RAP1GAP2: variants seen among roughly 807,000 people sequenced by gnomAD.
The protein encoded by RAP1GAP2 is rap1 GTPase-activating protein 2.
A neutral mutation model predicts 95.0 loss-of-function variants in RAP1GAP2; 27 were observed. The observed-to-expected ratio is 0.28, with a 90% confidence interval of 0.21 to 0.39. RAP1GAP2 has a LOEUF of 0.39. Among genes scored for constraint, RAP1GAP2 ranks in the 10% least tolerant of loss-of-function variants. RAP1GAP2 has a pLI of 1.00. For synonymous variants in RAP1GAP2, 373 were observed against 380.9 expected (o/e 0.98, Z 0.24); for missense variants, 771 against 970.0 (o/e 0.79, Z 2.72).
chr17:2,759,393 A>G (rs1448069599), intron 1 of RAP1GAP2, among the ~76,000 whole-genome samples: 2 of 151,992 alleles, frequency 1.3e-5, no homozygotes, highest in African/African-American at 4.8e-5. Context: ...TGATCCTTCC[A>G]CCTCAGCCCC....
chr17:2,853,816 C>T, intron 2 of RAP1GAP2: 1 of 601,668 alleles, frequency 1.7e-6, no homozygotes, highest in South Asian at 7.3e-5. Flanking sequence ...TGAAGGTCGC[C>T]GGGAGGGAGG....
intron 1 of RAP1GAP2, among the ~76,000 whole-genome samples, chr17:2,798,338 C>T (rs2069152412): frequency 6.6e-6 from 1 of 152,198 alleles, no homozygotes; most frequent in Non-Finnish European, 1.5e-5. Context: ...GCATGTCACA[C>T]AGGCTCAGTC....
chr17:2,935,164 GGATGTGAT>G (rs1567795790), intron 3 of RAP1GAP2, among the ~76,000 whole-genome samples: 1 of 152,172 alleles, frequency 6.6e-6, no homozygotes, highest in African/African-American at 2.4e-5. Flanking sequence ...GTGACAGAGT[GGATGTGAT>G]GATAGTGCTT....
intron 3 of RAP1GAP2, among the ~76,000 whole-genome samples, chr17:2,955,677 C>T (rs1004191986): frequency 2.0e-5 from 3 of 152,148 alleles, no homozygotes; most frequent in Non-Finnish European, 4.4e-5. Context: ...TTCCTTCGTG[C>T]GTCGTTTTTT....
chr17:2,868,918 A>G (rs1229655869), intron 2 of RAP1GAP2, among the ~76,000 whole-genome samples: 1 of 152,088 alleles, frequency 6.6e-6, no homozygotes, highest in Admixed American at 6.6e-5. Flanking sequence ...TACTTCTCCC[A>G]CTTCTGGAAG....
chr17:3,012,621 AAAAAAAAAAAC>A (rs1420722847), intron 17 of RAP1GAP2, among the ~76,000 whole-genome samples: 1 of 151,460 alleles, frequency 6.6e-6, no homozygotes, highest in Non-Finnish European at 1.5e-5. Context: ...AAAAAAAAAA[AAAAAAAAAAAC>A]AAACCTAAAG....
At chr17:2,850,725 G>A (rs2071807367) in intron 2 of RAP1GAP2, among the ~76,000 whole-genome samples, 1 of 138,142 alleles carries the variant, frequency 7.2e-6, no homozygotes, top group South Asian at 2.3e-4. Context: ...ACTCCAGCCT[G>A]AGGGATGGAG....
chr17:2,824,740 CAAAAAAAAAAAAAAA>C (rs940171590), intron 2 of RAP1GAP2, among the ~76,000 whole-genome samples: 2 of 56,652 alleles, frequency 3.5e-5, no homozygotes, highest in African/African-American at 5.7e-5. Context: ...AACTCTGTCT[CAAAAAAAAAAAAAAA>C]AAAAAAAAGA....
At chr17:2,972,368 G>A (rs1278905071) in intron 8 of RAP1GAP2, among the ~76,000 whole-genome samples, 1 of 152,020 alleles carries the variant, frequency 6.6e-6, no homozygotes, top group Admixed American at 6.6e-5. Context: ...GGTGGCTCAC[G>A]CCTGTAATCC....
intron 1 of RAP1GAP2, among the ~76,000 whole-genome samples, chr17:2,789,589 C>T (rs2068870378): frequency 7.4e-6 from 1 of 134,422 alleles, no homozygotes; most frequent in Non-Finnish European, 1.5e-5. Flanking sequence ...GGTGAAACGA[C>T]TCACAGACAG....
chr17:2,891,851 T>G (rs1380058491), intron 2 of RAP1GAP2, among the ~76,000 whole-genome samples: 1 of 133,968 alleles, frequency 7.5e-6, no homozygotes, highest in East Asian at 2.1e-4. Context: ...GAGACAGAGT[T>G]TCACTCTCGT....
intron 1 of RAP1GAP2, among the ~76,000 whole-genome samples, chr17:2,777,670 A>G (rs956139543): frequency 6.6e-6 from 1 of 152,036 alleles, no homozygotes; most frequent in African/African-American, 2.4e-5. Flanking sequence ...TGTTTTCTAT[A>G]GCTCCCCCTA....
chr17:2,966,545 T>C (rs1567834491), intron 8 of RAP1GAP2, among the ~76,000 whole-genome samples: 1 of 152,124 alleles, frequency 6.6e-6, no homozygotes, highest in Non-Finnish European at 1.5e-5. Flanking sequence ...AGATAAATAT[T>C]GGAGGGAATA....
intron 2 of RAP1GAP2, among the ~76,000 whole-genome samples, chr17:2,802,796 A>T (rs1446748341): frequency 1.3e-5 from 2 of 152,072 alleles, no homozygotes; most frequent in Non-Finnish European, 2.9e-5. Flanking sequence ...GCTCTTAGAG[A>T]TGAAGCAGGA....
chr17:2,962,695 CG>C lies in RAP1GAP2; in HGVS notation c.230del (p.Gly77AspfsTer91). On this transcript the variant is annotated frameshift_variant, in exon 5 of 25. Coordinates refer to ENST00000254695, the MANE Select transcript of RAP1GAP2 (RefSeq NM_015085.5). LOFTEE classifies it high-confidence loss of function. Reference protein sequence around the residue: ...MQGIKLEEQKPGPQKNKDDYI... With the variant: ...MQGIKLEEQKXGPQKNKDDYI... The stretch of plus-strand genomic sequence containing the variant: ...GGGATCAAGCTTGAAGAGCAGAAGC[CG>C]GGACCCCAGAAGAACAAGGTGGGCT... 1 of 1,594,328 alleles carries C rather than the reference CG, an allele frequency of 6.3e-7. No homozygotes were observed. The highest frequency in any genetic ancestry group is 8.5e-7 in the Non-Finnish European group (1 of 1,172,232).
intron 2 of RAP1GAP2, among the ~76,000 whole-genome samples, chr17:2,878,300 T>G (rs570601943): frequency 3.9e-5 from 6 of 151,958 alleles, no homozygotes; most frequent in African/African-American, 9.7e-5. Flanking sequence ...AGGGACACAT[T>G]GGGTTCGAGG....
chr17:2,762,133 G>T (rs1395832503), intron 1 of RAP1GAP2, among the ~76,000 whole-genome samples: 1 of 151,044 alleles, frequency 6.6e-6, no homozygotes, highest in South Asian at 2.1e-4. Context: ...GACTACAGGC[G>T]CCCGCCACCA....
In RAP1GAP2 at chr17:2,882,067, G is replaced by A. The variant is rs576666189; in HGVS notation, c.81-23217G>A. ...GATCTCCTGACCTCGTGATCCACTTGCCTCAGTTTCTCAAAGTGCTGGGAT... is the reference window on the plus strand; with the variant it reads ...GATCTCCTGACCTCGTGATCCACTTACCTCAGTTTCTCAAAGTGCTGGGAT... On this transcript the variant is annotated intron_variant, in intron 2 of 24. Coordinates refer to ENST00000254695, the MANE Select transcript of RAP1GAP2 (RefSeq NM_015085.5). 5.7e-4 allele frequency among the ~76,000 whole-genome samples: 85 copies of A among 149,560 alleles called. 2 individuals carry two copies. Among genetic ancestry groups the A allele is most frequent in the African/African-American group, 2.0e-3 (81 of 40,600 alleles).
chr17:2,983,000 C>T (rs1333882560), intron 10 of RAP1GAP2, among the ~76,000 whole-genome samples: 1 of 152,180 alleles, frequency 6.6e-6, no homozygotes, highest in Non-Finnish European at 1.5e-5. Flanking sequence ...GCAGCTGTTC[C>T]TCCCCTGTGA....
Sources: allele counts gnomAD v4.1 joint callset (sites outside exome capture counted in the v4.1 genomes callset), GRCh38; gene constraint gnomAD v4.1.1; transcripts MANE v1.5; gene names NCBI Gene and HGNC (gene_info 2026-07-23, HGNC 2026-07-21).